PRKACA: variants seen among roughly 807,000 people sequenced by gnomAD.
The protein encoded by PRKACA is cAMP-dependent protein kinase catalytic subunit alpha.
In PRKACA, 9 loss-of-function variants were observed where a neutral mutation model predicts 45.8. That is an observed-to-expected ratio of 0.20 (90% CI 0.12 to 0.34). The LOEUF (loss-of-function observed/expected upper bound fraction) is 0.34. Ranked by LOEUF, PRKACA falls within the 10% of genes least tolerant of loss-of-function variation. PRKACA has a pLI of 1.00. For missense variants in PRKACA, 238 were observed against 458.6 expected (o/e 0.52, Z 4.39); for synonymous variants, 160 against 178.6 (o/e 0.90, Z 0.83).
chr19:14,097,928 A>C lies in PRKACA; in HGVS notation c.420-38T>G, dbSNP rs147585805. ...AATGGGGAGGTGAACGTCAGTGGTC[A>C]TGCCCCAAAATGGTCCAGCAGGTGG... On this transcript the variant is annotated intron_variant, in intron 5 of 9. Coordinates refer to ENST00000308677, the MANE Select transcript of PRKACA (RefSeq NM_002730.4). This position sits in a 1 kb window ranked among gnomAD's most constrained non-coding sequence, Gnocchi z 5.4. 236 of 1,610,958 alleles carry C rather than the reference A, an allele frequency of 1.5e-4. 1 individual carries two copies. The African/African-American group carries it at 2.9e-3, about 20-fold the overall frequency.
rs372058860 is a variant in PRKACA at position 14,117,375 on chromosome 19, G to A, written c.46+127C>T. The A allele has an allele frequency of 4.4e-5, 48 of 1,080,018 alleles. No individual in the cohort carries two copies. The East Asian group carries it at 1.3e-3, about 30-fold the overall frequency. 66.9% of individuals were successfully genotyped at this position (1,080,018 alleles called of 1,614,324 possible). ...CGGGCCCCAGCCTTGGACAGGCCGGGGCAAGGGGCGCTGGGGGGTAGGCAG... is the reference window on the plus strand; with the variant it reads ...CGGGCCCCAGCCTTGGACAGGCCGGAGCAAGGGGCGCTGGGGGGTAGGCAG... On this transcript the variant is annotated intron_variant, in intron 1 of 9. Coordinates refer to ENST00000308677, the MANE Select transcript of PRKACA (RefSeq NM_002730.4).
intron 1 of PRKACA, among the ~76,000 whole-genome samples, chr19:14,115,886 A>C (rs550960422): frequency 6.6e-6 from 1 of 151,926 alleles, no homozygotes; most frequent in African/African-American, 2.4e-5. Flanking sequence ...CCCCCGGCCA[A>C]GTCCCCTCCA....
At chr19:14,114,961 G>A (rs1199585644) in intron 1 of PRKACA, among the ~76,000 whole-genome samples, 1 of 152,190 alleles carries the variant, frequency 6.6e-6, no homozygotes, top group Admixed American at 6.5e-5. Flanking sequence ...ATGAAATCCA[G>A]GTGCCCCCTG....
intron 8 of PRKACA, 142 bp from the exon 9 acceptor site, chr19:14,093,934 T>C (rs1977170491): frequency 7.3e-6 from 6 of 825,964 alleles, no homozygotes; most frequent in Non-Finnish European, 7.4e-6. Context: ...AAACAGCTCC[T>C]TGAGCCTACC....
intron 3 of PRKACA, among the ~76,000 whole-genome samples, chr19:14,106,109 G>GAAA (rs1977596083): frequency 6.6e-6 from 1 of 152,086 alleles, no homozygotes; most frequent in Non-Finnish European, 1.5e-5. Context: ...CCTGTGCTTT[G>GAAA]GGAGGCTGAA....
chr19:14,106,993 G>A (rs1374470197), intron 2 of PRKACA, 105 bp from the exon 3 acceptor site: 25 of 1,453,128 alleles, frequency 1.7e-5, no homozygotes, highest in Non-Finnish European at 4.7e-6. Flanking sequence ...GCCCCGGGGA[G>A]CACGTGGGGT....
intron 1 of PRKACA, among the ~76,000 whole-genome samples, chr19:14,115,354 G>C (rs1389786111): frequency 1.3e-5 from 2 of 152,320 alleles, no homozygotes; most frequent in East Asian, 3.9e-4. Flanking sequence ...AAGAAAATAT[G>C]ATAGAGTAAA....
chr19:14,109,997 T>TAC (rs1381189319), intron 1 of PRKACA, among the ~76,000 whole-genome samples: 75 of 71,752 alleles, frequency 1.0e-3, no homozygotes, highest in Non-Finnish European at 1.3e-3. Context: ...TATATATATA[T>TAC]ATACACACAC....
intron 4 of PRKACA, 24 bp downstream of exon 4, chr19:14,102,792 C>T (rs774239425): frequency 2.7e-5 from 43 of 1,595,950 alleles, no homozygotes; most frequent in Admixed American, 1.0e-4. Context: ...AGTGACCCCC[C>T]GCCCTTGGCC....
chr19:14,110,563 C>T (rs1966937817), intron 1 of PRKACA, among the ~76,000 whole-genome samples: 1 of 151,552 alleles, frequency 6.6e-6, no homozygotes, highest in Non-Finnish European at 1.5e-5. Context: ...CAGAGTGAGG[C>T]CCTGTCTCAA....
At chr19:14,095,537 G>C (rs1977221012) in intron 8 of PRKACA, among the ~76,000 whole-genome samples, 1 of 150,992 alleles carries the variant, frequency 6.6e-6, no homozygotes, top group Non-Finnish European at 1.5e-5. Flanking sequence ...CCCTTTTTTT[G>C]AGACAGAGTC....
intron 8 of PRKACA, among the ~76,000 whole-genome samples, chr19:14,096,000 A>G (rs1977238924): frequency 6.8e-6 from 1 of 147,742 alleles, no homozygotes; most frequent in Non-Finnish European, 1.5e-5. Flanking sequence ...CTGGGAACAC[A>G]GGGGTGCACC....
At chr19:14,113,409 G>T (rs1465497512) in intron 1 of PRKACA, among the ~76,000 whole-genome samples, 5 of 152,158 alleles carry the variant, frequency 3.3e-5, no homozygotes, top group Non-Finnish European at 7.3e-5. Context: ...CACACGGGGG[G>T]TGCCAGCTCT....
At chr19:14,100,794 CAGCCTGAT>C in intron 5 of PRKACA, 24 bp downstream of exon 5, 3 of 1,607,348 alleles carry the variant, frequency 1.9e-6, no homozygotes, top group Non-Finnish European at 2.6e-6. Flanking sequence ...GACACCCTGA[CAGCCTGAT>C]GTGATGGGGG....
At chr19:14,103,166 C>T (rs1015238098) in intron 3 of PRKACA, among the ~76,000 whole-genome samples, 2 of 152,094 alleles carry the variant, frequency 1.3e-5, no homozygotes, top group South Asian at 2.1e-4. Context: ...AGGTCAGAGC[C>T]GTGGTGGAGG....
intron 1 of PRKACA, chr19:14,108,001 T>C (rs951387817): frequency 4.1e-6 from 4 of 985,900 alleles, no homozygotes; most frequent in Admixed American, 1.2e-4. Flanking sequence ...CTGGCTAATG[T>C]TGAAACTTCC....
At chr19:14,106,610 C>T (rs111471940) in intron 3 of PRKACA, 150 bp downstream of exon 3, 60 of 1,104,136 alleles carry the variant, frequency 5.4e-5, no homozygotes, top group African/African-American at 1.4e-4. Flanking sequence ...GCCGAGATCA[C>T]GCCACTGTAC....
intron 5 of PRKACA, among the ~76,000 whole-genome samples, chr19:14,098,661 A>C (rs762631907): frequency 1.9e-4 from 29 of 151,590 alleles, no homozygotes; most frequent in Non-Finnish European, 1.5e-5. Context: ...ACGCCCGGCT[A>C]ATTTTTATAT....
intron 9 of PRKACA, 75 bp from the exon 10 acceptor site, chr19:14,093,312 C>T (rs1489851721): frequency 6.5e-6 from 10 of 1,550,120 alleles, no homozygotes; most frequent in East Asian, 2.3e-5. Flanking sequence ...TGCGAATGGC[C>T]TAACATTCAA....
Sources: allele counts gnomAD v4.1 joint callset (sites outside exome capture counted in the v4.1 genomes callset), GRCh38; gene constraint gnomAD v4.1.1; non-coding constraint Gnocchi (gnomAD v3.1); transcripts MANE v1.5; gene names NCBI Gene and HGNC (gene_info 2026-07-23, HGNC 2026-07-21).